Variants in NRCAM observed in about 807,000 individuals in gnomAD.
NRCAM encodes the protein neuronal cell adhesion molecule, also known as NgCAM-related cell adhesion molecule.
NRCAM carries 83 observed loss-of-function variants against 156.5 expected under a neutral mutation model. The ratio of observed to expected loss-of-function variants is 0.53; its 90% CI spans 0.44 to 0.64. NRCAM has a LOEUF of 0.64. Among genes scored for constraint, NRCAM ranks in the 30% least tolerant of loss-of-function variants. The pLI is 0.00. For missense variants in NRCAM, 1,417 were observed against 1,597.3 expected, an observed-to-expected ratio of 0.89 and a Z score of 1.92; for synonymous variants, 538 against 563.9, an observed-to-expected ratio of 0.95 and a Z score of 0.65.
intron 3 of NRCAM, among the ~76,000 whole-genome samples, chr7:108,309,891 A>C (rs10239511): frequency 0.23 from 34,692 of 152,086 alleles, 4,272 homozygotes; most frequent in African/African-American, 0.28. Flanking sequence ...AATAGCATTA[A>C]AATTGTATAA....
intron 18 of NRCAM, 36 bp downstream of exon 18, chr7:108,191,693 G>A: frequency 6.4e-7 from 1 of 1,550,840 alleles, no homozygotes; most frequent in Non-Finnish European, 8.7e-7. Context: ...CCAAATGCAG[G>A]GAAGCCAGTT....
chr7:108,155,406 C>T (rs1433696725), intron 32 of NRCAM, among the ~76,000 whole-genome samples: 1 of 151,868 alleles, frequency 6.6e-6, no homozygotes, highest in Non-Finnish European at 1.5e-5. Context: ...AGTATTGATA[C>T]AATATCAAGT....
intron 1 of NRCAM, among the ~76,000 whole-genome samples, chr7:108,408,517 C>T (rs1273568415): frequency 1.3e-5 from 2 of 152,222 alleles, no homozygotes; most frequent in Admixed American, 1.3e-4. Flanking sequence ...TTGGAAGCTT[C>T]CTGCCAGAGG....
chr7:108,164,391 A>G (rs1316799828), intron 30 of NRCAM, among the ~76,000 whole-genome samples: 2 of 152,148 alleles, frequency 1.3e-5, no homozygotes, highest in African/African-American at 4.8e-5. Context: ...TAATGGTAGG[A>G]AGATTGATGA....
intron 3 of NRCAM, among the ~76,000 whole-genome samples, chr7:108,292,581 A>G (rs1303166676): frequency 6.6e-6 from 1 of 152,192 alleles, no homozygotes; most frequent in Admixed American, 6.5e-5. Flanking sequence ...TTGAGAGGCA[A>G]TGCTTCCTAG....
chr7:108,163,363 G>A (rs889871843), intron 30 of NRCAM, among the ~76,000 whole-genome samples: 3 of 152,256 alleles, frequency 2.0e-5, no homozygotes, highest in Admixed American at 1.3e-4. Context: ...GGTCTCTGAG[G>A]AAAATGCTCT....
chr7:108,325,437 A>G (rs1432768755), intron 2 of NRCAM, among the ~76,000 whole-genome samples: 3 of 148,334 alleles, frequency 2.0e-5, no homozygotes, highest in Non-Finnish European at 3.0e-5. Context: ...TTTAGAAAAG[A>G]TTTTTTTTTT....
intron 1 of NRCAM, among the ~76,000 whole-genome samples, chr7:108,424,186 C>A (rs1813995086): frequency 6.6e-6 from 1 of 152,206 alleles, no homozygotes; most frequent in South Asian, 2.1e-4. Flanking sequence ...TGCTGACTGA[C>A]CAGTTAGAGC....
chr7:108,354,491 A>C (rs2099464838), intron 2 of NRCAM, among the ~76,000 whole-genome samples: 1 of 152,240 alleles, frequency 6.6e-6, no homozygotes, highest in Non-Finnish European at 1.5e-5. Flanking sequence ...TCAAAACCAT[A>C]AATATTCAGA....
At chr7:108,317,959 G>A (rs2098949651) in intron 2 of NRCAM, among the ~76,000 whole-genome samples, 1 of 149,690 alleles carries the variant, frequency 6.7e-6, no homozygotes, top group Non-Finnish European at 1.5e-5. Flanking sequence ...AAAGGAAAAG[G>A]AAAGGGGGAA....
chr7:108,234,352 G>A (rs2153751017), intron 6 of NRCAM, among the ~76,000 whole-genome samples: 1 of 152,208 alleles, frequency 6.6e-6, no homozygotes, highest in East Asian at 1.9e-4. Context: ...GAGACTTTAG[G>A]GATATGCAGG....
intron 8 of NRCAM, among the ~76,000 whole-genome samples, chr7:108,227,958 G>C (rs1441375662): frequency 1.3e-5 from 2 of 152,222 alleles, no homozygotes; most frequent in Non-Finnish European, 2.9e-5. Flanking sequence ...TATTGGTTAA[G>C]ATGGGGGTTT....
At chr7:108,187,727 G>A (rs576327892) in intron 20 of NRCAM, among the ~76,000 whole-genome samples, 22 of 152,242 alleles carry the variant, frequency 1.4e-4, no homozygotes, top group Non-Finnish European at 3.1e-4. Flanking sequence ...CGAGGCGGGT[G>A]GATCACGAGG....
chr7:108,176,758 C>A lies in NRCAM; in HGVS notation c.2975-152G>T, dbSNP rs911262703. 4 of 604,524 alleles carry A rather than the reference C, an allele frequency of 6.6e-6. No individual in the cohort carries two copies. In the African/African-American group the frequency reaches 7.4e-5, roughly 11 times the overall value. The allele number at this position is 604,524 out of a possible 1,614,324, so 37.4% of individuals were successfully genotyped here. On this transcript the variant is annotated intron_variant, in intron 26 of 32. Coordinates refer to ENST00000379028, the MANE Select transcript of NRCAM (RefSeq NM_001037132.4). ...TTTCCCCAGCATAACTAAGTGATAA[C>A]CTTTTAACAGCTCCTATGCTATGTT...
intron 10 of NRCAM, among the ~76,000 whole-genome samples, 198 bp from the exon 11 acceptor site, chr7:108,224,034 G>C (rs771095795): frequency 2.1e-4 from 32 of 152,162 alleles, no homozygotes; most frequent in Non-Finnish European, 1.0e-4. Flanking sequence ...CCCAGGAACA[G>C]AAACAATTTT....
intron 2 of NRCAM, among the ~76,000 whole-genome samples, chr7:108,338,119 G>A (rs2099225205): frequency 6.6e-6 from 1 of 152,248 alleles, no homozygotes; most frequent in Non-Finnish European, 1.5e-5. Context: ...ACTAGAGGCA[G>A]AAAGCTGTTG....
Position 108,176,509 on chromosome 7 carries a change from A to G in NRCAM, c.3072T>C (p.Tyr1024=). ...ATGTTTGTGCATAGAAATAAAACTT[A>G]TATCGAGTGCTGAAATTTAAATTTT... is the stretch of plus-strand genomic sequence containing the variant. The part of the protein sequence containing the change: ...TLKNLNFSTR[Y]KFYFYAQTSA... Residue 1024 remains tyrosine, a synonymous_variant, in exon 27 of 33, where the codon TAT becomes TAC. Transcript: ENST00000379028. The G allele has an allele frequency of 1.9e-6, 3 of 1,613,720 alleles. No individual in the cohort carries two copies. The highest frequency in any genetic ancestry group is 2.2e-5 in the East Asian group (1 of 44,820).
intron 12 of NRCAM, among the ~76,000 whole-genome samples, chr7:108,208,036 G>A (rs927647216): frequency 1.4e-4 from 21 of 152,086 alleles, no homozygotes; most frequent in African/African-American, 4.1e-4. Context: ...GCTCATGCCT[G>A]TAATCCCAAC....
At chr7:108,439,485 G>A (rs1836031361) in intron 1 of NRCAM, among the ~76,000 whole-genome samples, 1 of 152,126 alleles carries the variant, frequency 6.6e-6, no homozygotes, top group Non-Finnish European at 1.5e-5. Context: ...TATGCTCCAC[G>A]TTATTAGCCA....
Sources: gnomAD v4.1 joint callset for allele counts (sites outside exome capture counted in the v4.1 genomes callset) on GRCh38, gnomAD v4.1.1 for gene constraint, MANE v1.5 for transcripts, NCBI Gene and HGNC (gene_info 2026-07-23, HGNC 2026-07-21) for gene names.